The following SSBP2 variants were observed in gnomAD, a reference collection of about 807,000 sequenced individuals.
SSBP2 encodes single-stranded DNA-binding protein 2.
In SSBP2, 17 loss-of-function variants were observed where a neutral mutation model predicts 61.8. That is an observed-to-expected ratio of 0.28 (90% CI 0.19 to 0.41). The LOEUF is 0.41. Ranked by LOEUF, SSBP2 falls within the 10% of genes least tolerant of loss-of-function variation. SSBP2 has a pLI of 1.00. For synonymous variants in SSBP2, 139 were observed against 141.3 expected, an observed-to-expected ratio of 0.98 and a Z score of 0.12; for missense variants, 310 against 458.7, an observed-to-expected ratio of 0.68 and a Z score of 2.96.
At chr5:81,571,349 T>G (rs1207509107) in intron 4 of SSBP2, among the ~76,000 whole-genome samples, 1 of 152,122 alleles carries the variant, frequency 6.6e-6, no homozygotes, top group Non-Finnish European at 1.5e-5. Context: ...GAGGTGAGAG[T>G]GCAGTGGGCA....
intron 15 of SSBP2, among the ~76,000 whole-genome samples, chr5:81,433,607 AAAG>A (rs1258868638): frequency 6.8e-6 from 1 of 146,888 alleles, no homozygotes. Flanking sequence ...AAAAAAAAAA[AAAG>A]AAAGAAAACA....
At chr5:81,589,458 T>C (rs575032840) in intron 4 of SSBP2, among the ~76,000 whole-genome samples, 132 of 152,338 alleles carry the variant, frequency 8.7e-4, no homozygotes, top group Middle Eastern at 6.8e-3. Context: ...AAATGCTCTT[T>C]TCACCCAAAA....
Position 81,650,270 on chromosome 5 carries a change from T to C in SSBP2, c.132A>G (p.Ser44=). 1 of 1,577,864 alleles carries C rather than the reference T, an allele frequency of 6.3e-7. No homozygotes were observed. The highest frequency in any genetic ancestry group is 1.2e-5 in the South Asian group (1 of 85,872). The change falls in exon 2 of 17, where the codon TCA becomes TCG. Residue 44 remains serine, a synonymous_variant. Transcript: ENST00000320672. ...ACAGAAAATATATAAAACATACCTCTGATAAAAATGTTTGAGCTGATTTCT... is the reference window on the plus strand; with the variant it reads ...ACAGAAAATATATAAAACATACCTCCGATAAAAATGTTTGAGCTGATTTCT...
chr5:81,469,060 C>G (rs1765075925), intron 8 of SSBP2, among the ~76,000 whole-genome samples: 2 of 151,826 alleles, frequency 1.3e-5, no homozygotes, highest in South Asian at 4.2e-4. Flanking sequence ...TTTTATTTCC[C>G]CTCATTTTTG....
chr5:81,649,412 T>C (rs549729863), intron 2 of SSBP2, among the ~76,000 whole-genome samples: 1 of 151,910 alleles, frequency 6.6e-6, no homozygotes, highest in South Asian at 2.1e-4. Context: ...GAAGATGGGG[T>C]ACATATACAC....
chr5:81,570,906 A>C (rs1249248626), intron 4 of SSBP2, among the ~76,000 whole-genome samples: 1 of 152,178 alleles, frequency 6.6e-6, no homozygotes, highest in African/African-American at 2.4e-5. Context: ...TTCCTGCCTG[A>C]AACTTCTGTC....
At chr5:81,579,646 T>C (rs1774492758) in intron 4 of SSBP2, among the ~76,000 whole-genome samples, 1 of 152,102 alleles carries the variant, frequency 6.6e-6, no homozygotes, top group African/African-American at 2.4e-5. Context: ...AGCTACGGTT[T>C]CTACTGAATA....
At chr5:81,565,070 T>G (rs1773321775) in intron 4 of SSBP2, among the ~76,000 whole-genome samples, 1 of 152,236 alleles carries the variant, frequency 6.6e-6, no homozygotes, top group African/African-American at 2.4e-5. Flanking sequence ...TCTGTTTATT[T>G]CTTCCTCTCA....
At chr5:81,466,907 TGGTATTA>T in intron 9 of SSBP2, 60 bp downstream of exon 9, 1 of 945,370 alleles carries the variant, frequency 1.1e-6, no homozygotes, top group Non-Finnish European at 1.5e-6. Flanking sequence ...TAGAATAATA[TGGTATTA>T]TTTATATATA....
chr5:81,457,460 C>T (rs1465004236), intron 10 of SSBP2, among the ~76,000 whole-genome samples: 1 of 152,098 alleles, frequency 6.6e-6, no homozygotes, highest in Non-Finnish European at 1.5e-5. Flanking sequence ...TCCAAAATAG[C>T]AGATGAAAGT....
chr5:81,574,878 C>T lies in SSBP2; in HGVS notation c.282+40595G>A, dbSNP rs189693816. Among the ~76,000 whole-genome samples, 530 of 151,940 alleles carry T rather than the reference C, an allele frequency of 3.5e-3. 3 individuals carry two copies. The highest frequency in any genetic ancestry group is 5.4e-3 in the Non-Finnish European group (370 of 67,948). ...AAAAGCAGAATAAAAATATTTTTTC[C>T]CAACAAACAAAAAATGAGATTTTAT... On this transcript the variant is annotated intron_variant, in intron 4 of 16. Transcript: ENST00000320672.
intron 1 of SSBP2, among the ~76,000 whole-genome samples, chr5:81,721,014 TTAGG>T (rs1755507963): frequency 6.6e-6 from 1 of 152,088 alleles, no homozygotes; most frequent in Non-Finnish European, 1.5e-5. Flanking sequence ...AAACAAAATA[TTAGG>T]TAGAAGACTG....
intron 1 of SSBP2, among the ~76,000 whole-genome samples, chr5:81,743,572 C>T (rs770015993): frequency 6.6e-6 from 1 of 152,190 alleles, no homozygotes; most frequent in Non-Finnish European, 1.5e-5. Context: ...CCTCAAGATA[C>T]ATCTTCCTTG....
intron 5 of SSBP2, among the ~76,000 whole-genome samples, chr5:81,502,479 C>A (rs1336966196): frequency 6.6e-6 from 1 of 152,152 alleles, no homozygotes; most frequent in Non-Finnish European, 1.5e-5. Context: ...CATCCAGGCT[C>A]ATAGCTTCAA....
chr5:81,442,818 C>A, intron 12 of SSBP2, 95 bp from the exon 13 acceptor site: 1 of 592,668 alleles, frequency 1.7e-6, no homozygotes, highest in Non-Finnish European at 2.9e-6. Context: ...ATACAGATAC[C>A]TCTCTCTATA....
At chr5:81,524,044 T>C (rs749311539) in intron 4 of SSBP2, among the ~76,000 whole-genome samples, 19 of 152,064 alleles carry the variant, frequency 1.2e-4, no homozygotes, top group Non-Finnish European at 1.2e-4. Flanking sequence ...GGCTTCTATT[T>C]GAGAGTCTAG....
At chr5:81,472,178 C>T (rs1765291737) in intron 8 of SSBP2, among the ~76,000 whole-genome samples, 1 of 152,054 alleles carries the variant, frequency 6.6e-6, no homozygotes, top group Non-Finnish European at 1.5e-5. Flanking sequence ...CTCTGACCCA[C>T]GAGGTAGAAA....
At chr5:81,442,463 T>C (rs923036964) in intron 13 of SSBP2, among the ~76,000 whole-genome samples, 190 bp downstream of exon 13, 1 of 152,114 alleles carries the variant, frequency 6.6e-6, no homozygotes, top group Non-Finnish European at 1.5e-5. Context: ...ATTATATTGA[T>C]ATAAAATCTC....
intron 14 of SSBP2, among the ~76,000 whole-genome samples, chr5:81,439,477 A>G (rs1398172386): frequency 6.6e-6 from 1 of 151,416 alleles, no homozygotes; most frequent in Non-Finnish European, 1.5e-5. Context: ...TATGGTAAGA[A>G]GGCATCACTT....
Sources: gnomAD v4.1 joint callset for allele counts (sites outside exome capture counted in the v4.1 genomes callset) on GRCh38, gnomAD v4.1.1 for gene constraint, MANE v1.5 for transcripts, NCBI Gene and HGNC (gene_info 2026-07-23, HGNC 2026-07-21) for gene names.